DOK6: variants seen among roughly 807,000 people sequenced by gnomAD.
DOK6 encodes docking protein 6.
In DOK6, 22 loss-of-function variants were observed where a neutral mutation model predicts 44.0. The ratio of observed to expected loss-of-function variants is 0.50; its 90% CI spans 0.36 to 0.71. The LOEUF is 0.71. Among genes scored for constraint, DOK6 ranks in the 30% least tolerant of loss-of-function variants. The pLI, the probability that DOK6 is intolerant of heterozygous loss-of-function variation, is 0.00. For synonymous variants in DOK6, 166 were observed against 145.5 expected (o/e 1.14, Z -1.01); for missense variants, 340 against 416.4 (o/e 0.82, Z 1.60).
At chr18:69,476,637 T>TTGG (rs1980273635) in intron 1 of DOK6, among the ~76,000 whole-genome samples, 1 of 152,176 alleles carries the variant, frequency 6.6e-6, no homozygotes, top group Non-Finnish European at 1.5e-5. Context: ...AGGGAAGGGA[T>TTGG]TGGTGACCCT....
At chr18:69,462,517 T>C (rs1212510985) in intron 1 of DOK6, among the ~76,000 whole-genome samples, 2 of 152,226 alleles carry the variant, frequency 1.3e-5, no homozygotes, top group African/African-American at 4.8e-5. Context: ...AATTTTGGTA[T>C]TAAAAATTCT....
At chr18:69,464,231 G>C (rs1450024462) in intron 1 of DOK6, among the ~76,000 whole-genome samples, 1 of 152,182 alleles carries the variant, frequency 6.6e-6, no homozygotes, top group African/African-American at 2.4e-5. Context: ...GTGAATTCCA[G>C]TTATTTGTCC....
rs1376258168 is a variant in DOK6 at position 69,690,189 on chromosome 18, A to AT, written c.410-8203dup. ...GGGAATTTTAAAAAGATACTGTGGA[A>AT]TTTTTTTTTTTTAAGTACTGCTGAT... On this transcript the variant is annotated intron_variant, in intron 4 of 7. Transcript: ENST00000382713. Among the ~76,000 whole-genome samples the AT allele has an allele frequency of 6.3e-3, 937 of 148,404 alleles. 6 individuals are homozygous for AT. The highest frequency in any genetic ancestry group is 0.021 in the African/African-American group (855 of 40,760).
chr18:69,435,021 GGGAGGGAAGGAAGGAAGGAA>G (rs1470460452), intron 1 of DOK6, among the ~76,000 whole-genome samples: 5 of 74,688 alleles, frequency 6.7e-5, no homozygotes, highest in Admixed American at 1.8e-4. Context: ...AGTGTAGGGA[GGGAGGGAAGGAAGGAAGGAA>G]GGAAGGAAGG....
intron 1 of DOK6, among the ~76,000 whole-genome samples, chr18:69,413,127 A>G (rs1978313282): frequency 6.6e-6 from 1 of 152,126 alleles, no homozygotes; most frequent in Non-Finnish European, 1.5e-5. Flanking sequence ...AATAATAAAA[A>G]CTTTAATAAA....
chr18:69,536,502 C>T (rs1442710148), intron 1 of DOK6, among the ~76,000 whole-genome samples: 3 of 150,860 alleles, frequency 2.0e-5, no homozygotes, highest in African/African-American at 7.3e-5. Context: ...ATCCATTTAG[C>T]CATGTATATA....
At chr18:69,436,384 TC>T (rs1978980774) in intron 1 of DOK6, among the ~76,000 whole-genome samples, 1 of 152,104 alleles carries the variant, frequency 6.6e-6, no homozygotes, top group African/African-American at 2.4e-5. Context: ...TGTTCATTGT[TC>T]AACTCCCATT....
intron 3 of DOK6, among the ~76,000 whole-genome samples, chr18:69,642,315 C>T (rs1247362990): frequency 6.6e-6 from 1 of 152,104 alleles, no homozygotes; most frequent in African/African-American, 2.4e-5. Context: ...CACAACTGAC[C>T]TATAGCGATT....
At position 69,741,427 on chromosome 18, in the gene DOK6, C is replaced by G. The variant is rs180722037; in HGVS notation, c.738+2324C>G. On this transcript the variant is annotated intron_variant, in intron 6 of 7. Transcript: ENST00000382713. ...GCCTAAATTTCCAAAATACTACAAC[C>G]AAAAGCAAAGTTTTCCAGTTCTCCA... Among the ~76,000 whole-genome samples, 705 of 152,274 alleles carry G rather than the reference C, an allele frequency of 4.6e-3. 5 individuals carry two copies. Among genetic ancestry groups the G allele is most frequent in the African/African-American group, 0.016 (675 of 41,556 alleles).
At chr18:69,449,900 A>G (rs1979411113) in intron 1 of DOK6, among the ~76,000 whole-genome samples, 1 of 149,706 alleles carries the variant, frequency 6.7e-6, no homozygotes, top group Non-Finnish European at 1.5e-5. Context: ...CACACCGAAA[A>G]CCCATCTGTA....
At position 69,650,198 on chromosome 18, in the gene DOK6, A is replaced by T. The variant is rs138006246; in HGVS notation, c.290-27536A>T. On this transcript the variant is annotated intron_variant, in intron 3 of 7. Coordinates refer to ENST00000382713, the MANE Select transcript of DOK6 (RefSeq NM_152721.6). Reference sequence around the variant, plus strand: ...GATTTTCTATGAAATTATCATCTTTAAAAAAAAACGTGGTTGGTTGATTTT... The same window carrying T: ...GATTTTCTATGAAATTATCATCTTTTAAAAAAAACGTGGTTGGTTGATTTT... Among the ~76,000 whole-genome samples the T allele has an allele frequency of 1.9e-4, 28 of 150,506 alleles. No homozygotes were observed. The East Asian group carries it at 3.3e-3, about 18-fold the overall frequency.
At chr18:69,440,747 C>T (rs1161868807) in intron 1 of DOK6, among the ~76,000 whole-genome samples, 1 of 74,334 alleles carries the variant, frequency 1.3e-5, no homozygotes, top group African/African-American at 4.7e-5. Flanking sequence ...CTTTTATACA[C>T]ACACAAACAC....
intron 3 of DOK6, among the ~76,000 whole-genome samples, chr18:69,613,252 TGTGTGTGTGTGC>T (rs1984206906): frequency 6.6e-6 from 1 of 152,104 alleles, no homozygotes; most frequent in South Asian, 2.1e-4. Context: ...GTGCTGCGTA[TGTGTGTGTGTGC>T]ATGTGTGTGT....
At chr18:69,473,869 T>TC (rs1406044141) in intron 1 of DOK6, among the ~76,000 whole-genome samples, 3 of 152,190 alleles carry the variant, frequency 2.0e-5, no homozygotes, top group African/African-American at 7.2e-5. Flanking sequence ...TTCTGTGCTG[T>TC]CCCTCTTGCT....
At chr18:69,628,997 ACCTAGCT>A (rs1984624710) in intron 3 of DOK6, among the ~76,000 whole-genome samples, 1 of 152,262 alleles carries the variant, frequency 6.6e-6, no homozygotes, top group African/African-American at 2.4e-5. Flanking sequence ...TACAGAGAGC[ACCTAGCT>A]CCTGGCTGGA....
At chr18:69,577,523 C>A (rs1025317782) in intron 2 of DOK6, among the ~76,000 whole-genome samples, 3 of 152,086 alleles carry the variant, frequency 2.0e-5, no homozygotes, top group African/African-American at 4.8e-5. Context: ...GACAGTGACA[C>A]CTCAATTCAC....
intron 1 of DOK6, among the ~76,000 whole-genome samples, chr18:69,498,822 C>A (rs373967050): frequency 6.6e-6 from 1 of 152,136 alleles, no homozygotes; most frequent in Non-Finnish European, 1.5e-5. Flanking sequence ...TAGTGCCTGG[C>A]ACATAGTAGC....
intron 1 of DOK6, among the ~76,000 whole-genome samples, chr18:69,523,658 AT>A (rs35778547): frequency 1.3e-4 from 20 of 150,026 alleles, no homozygotes; most frequent in East Asian, 3.9e-4. Context: ...CAAAGAAACA[AT>A]TTTTTTTTTC....
chr18:69,520,117 TA>T (rs1401171799), intron 1 of DOK6, among the ~76,000 whole-genome samples: 2 of 151,932 alleles, frequency 1.3e-5, no homozygotes, highest in Non-Finnish European at 3.0e-5. Flanking sequence ...TAAGTCACCA[TA>T]AAAAACTTGA....
Sources: gnomAD v4.1 joint callset for allele counts (sites outside exome capture counted in the v4.1 genomes callset) on GRCh38, gnomAD v4.1.1 for gene constraint, MANE v1.5 for transcripts, NCBI Gene and HGNC (gene_info 2026-07-23, HGNC 2026-07-21) for gene names.